The following SLITRK3 variants were observed in gnomAD, a reference collection of about 807,000 sequenced individuals.
The protein encoded by SLITRK3 is SLIT and NTRK like family member 3, also known as SLIT and NTRK-like protein 3.
A neutral mutation model predicts 63.6 loss-of-function variants in SLITRK3; 16 were observed. That is an observed-to-expected ratio of 0.25 (90% CI 0.17 to 0.38). The LOEUF is 0.38. Ranked by LOEUF, SLITRK3 falls within the 10% of genes least tolerant of loss-of-function variation. The pLI is 1.00. For missense variants in SLITRK3, 1,117 were observed against 1,181.4 expected (o/e 0.95, Z 0.80); for synonymous variants, 547 against 451.6 (o/e 1.21, Z -2.68).
chr3:165,192,393 A>T (rs972191862), intron 1 of SLITRK3, among the ~76,000 whole-genome samples: 6 of 152,174 alleles, frequency 3.9e-5, no homozygotes, highest in Admixed American at 2.6e-4. Flanking sequence ...CTTATGAAAT[A>T]TTAAAATCTA....
chr3:165,196,713 G>C (rs1718431133), upstream of SLITRK3: 1 of 152,220 alleles, frequency 6.6e-6, no homozygotes, highest in Non-Finnish European at 1.5e-5. Flanking sequence ...AGGGAGCGGC[G>C]CTCGGGAGCC....
chr3:165,187,795 A>G lies in SLITRK3; in HGVS notation c.*102T>C, dbSNP rs377371246. The G allele has an allele frequency of 2.6e-5, 25 of 945,980 alleles. No individual in the cohort carries two copies. Among genetic ancestry groups the G allele is most frequent in the East Asian group, 1.7e-4 (7 of 40,126 alleles). The allele number at this position is 945,980 out of a possible 1,614,324, so 58.6% of individuals were successfully genotyped here. ...GTTCAGGGTAGGAAAGATCGTGAGG[A>G]TGGAGTTACTGGGACAAGTGTAAAG... is the stretch of plus-strand genomic sequence containing the variant. On this transcript the variant is annotated 3_prime_UTR_variant, in exon 2 of 2. Transcript: ENST00000475390.
intron 1 of SLITRK3, among the ~76,000 whole-genome samples, chr3:165,192,860 C>G (rs936496826): frequency 9.9e-5 from 15 of 152,104 alleles, no homozygotes; most frequent in Non-Finnish European, 2.1e-4. Context: ...GCCGCGGTGG[C>G]TGCTCTCTTT....
rs763333187 is a variant in SLITRK3, at chr3:165,189,368, T to C, written c.1463A>G (p.Glu488Gly). ...CTGGATTTCCCGGATGACATTGAAC[T>C]CAAAGTACAAGTAGTGCAAACTCTG... ...GLQSLHYLYF[E>G]FNVIREIQPA... is the part of the protein sequence containing the mutation. Residue 488 changes from glutamate (E) to glycine (G), a missense_variant, in exon 2 of 2, where the codon GAG (glutamate) becomes GGG (glycine). By Grantham distance (98) the Glu-to-Gly change is moderately conservative. This residue lies in a region of SLITRK3 where 158 missense variants were observed against 197.2 expected (regional missense o/e 0.80). Coordinates refer to ENST00000475390, the MANE Select transcript of SLITRK3 (RefSeq NM_001318810.2). This position sits in a 1 kb window ranked among gnomAD's most constrained non-coding sequence, Gnocchi z 4.0. The C allele has an allele frequency of 6.2e-7, 1 of 1,614,134 alleles. No individual in the cohort carries two copies. The highest frequency in any genetic ancestry group is 8.5e-7 in the Non-Finnish European group (1 of 1,180,024).
Position 165,187,346 on chromosome 3 carries a change from G to T in SLITRK3, c.*551C>A, listed in dbSNP as rs1269696146. 6.6e-6 allele frequency: 1 copy of T among 152,226 alleles called. No homozygotes were observed. The highest frequency in any genetic ancestry group is 1.5e-5 in the Non-Finnish European group (1 of 68,202). 9.4% of individuals were successfully genotyped at this position (152,226 alleles called of 1,614,324 possible). A position where few individuals can be genotyped will look rare whatever the true frequency, so the allele number is the denominator to read the frequency against. ...GACAAGATAGTGAGTGAGAACATTC[G>T]AGCAAGACCCGCCCCCTCCCTCCCC... is the stretch of plus-strand genomic sequence containing the variant. On this transcript the variant is annotated 3_prime_UTR_variant, in exon 2 of 2. Transcript: ENST00000475390.
chr3:165,188,872 A>T lies in SLITRK3; in HGVS notation c.1959T>A (p.Leu653=). The part of the protein sequence containing the change: ...EFSPPGGPVP[L]SVLILSLLVL... ...CCAGCAGGCTGAGAATTAACACAGA[A>T]AGTGGCACAGGGCCCCCAGGAGGAG... The change falls in exon 2 of 2, where the codon CTT becomes CTA. Residue 653 remains leucine (L), a synonymous_variant. Transcript: ENST00000475390. 6.2e-7 allele frequency: 1 copy of T among 1,614,136 alleles called. No homozygotes were observed. Among genetic ancestry groups the T allele is most frequent in the Non-Finnish European group, 8.5e-7 (1 of 1,180,020 alleles).
rs576921144 is a variant in SLITRK3 at position 165,195,944 on chromosome 3, G to C, written c.-386C>G. On this transcript the variant is annotated 5_prime_UTR_variant, in exon 1 of 2. Transcript: ENST00000475390. ...GGTTCCTTTGATTTAAAATCTCGGTGCTCTGGATCAGTGGAGAGCTTCGTT... is the reference window on the plus strand; with the variant it reads ...GGTTCCTTTGATTTAAAATCTCGGTCCTCTGGATCAGTGGAGAGCTTCGTT... 1 of 152,828 alleles carries C rather than the reference G, an allele frequency of 6.5e-6. No individual in the cohort carries two copies. The highest frequency in any genetic ancestry group is 1.9e-4 in the East Asian group (1 of 5,146). The allele number at this position is 152,828 out of a possible 1,614,324, so 9.5% of individuals were successfully genotyped here.
chr3:165,189,978 A>G lies in SLITRK3; in HGVS notation c.853T>C (p.Ser285Pro), dbSNP rs778532191. 1 of 1,614,158 alleles carries G rather than the reference A, an allele frequency of 6.2e-7. No individual in the cohort carries two copies. The highest frequency in any genetic ancestry group is 8.5e-7 in the Non-Finnish European group (1 of 1,180,030). The change falls in exon 2 of 2, where the codon TCT becomes CCT. Residue 285 changes from serine to proline, a missense_variant. Ser to Pro is a moderately conservative substitution (Grantham distance 74). Transcript: ENST00000475390. The surrounding 1 kb of genome is among the most constrained non-coding windows in gnomAD (Gnocchi z 4.0). ...IRKTELCPLL[S>P]DSEVEASLGI... ...AAACTAGCCTCTACCTCAGAGTCAG[A>G]CAACAAGGGACAGAGTTCTGTCTTC...
In SLITRK3 at chr3:165,189,747, G is replaced by A. The variant is rs1718109786; in HGVS notation, c.1084C>T (p.Pro362Ser). The change falls in exon 2 of 2, where the codon CCT becomes TCT. Residue 362 changes from proline (P) to serine (S), a missense_variant. Physicochemically the swap from Pro to Ser is moderately conservative, Grantham distance 74 (BLOSUM62 -1). Transcript: ENST00000475390. This position sits in a 1 kb window ranked among gnomAD's most constrained non-coding sequence, Gnocchi z 4.0. ...YPGPNQPPIAPYQTRPPIPII... is the reference protein window; with the variant it reads ...YPGPNQPPIASYQTRPPIPII... ...GGGATTGGTGGTCTGGTCTGATAAG[G>A]AGCAATGGGAGGCTGGTTTGGACCA... 6.2e-7 allele frequency: 1 copy of A among 1,614,070 alleles called. No homozygotes were observed. Among genetic ancestry groups the A allele is most frequent in the Non-Finnish European group, 8.5e-7 (1 of 1,180,038 alleles).
intron 1 of SLITRK3, among the ~76,000 whole-genome samples, chr3:165,194,283 A>G (rs1359056902): frequency 2.0e-5 from 3 of 152,234 alleles, no homozygotes; most frequent in Non-Finnish European, 4.4e-5. Flanking sequence ...ATTTTAAAGC[A>G]AAGCACAGCT....
rs1313878506 is a variant in SLITRK3, at chr3:165,188,304, C to G, written c.2527G>C (p.Val843Leu). 1 of 1,614,032 alleles carries G rather than the reference C, an allele frequency of 6.2e-7. No individual in the cohort carries two copies. The highest frequency in any genetic ancestry group is 8.5e-7 in the Non-Finnish European group (1 of 1,179,994). Residue 843 changes from valine (V) to leucine (L), a missense_variant, in exon 2 of 2, where the codon GTT (valine) becomes CTT (leucine). This residue lies in a region of SLITRK3 where 499 missense variants were observed against 463.6 expected (regional missense o/e 1.08). Transcript: ENST00000475390. The part of the protein sequence containing the change: ...VNHHHPHHPA[V>L]GGVSGVVGGT... ...CCAACTACTCCTGAAACCCCACCAA[C>G]TGCTGGGTGGTGAGGGTGATGGTGA...
chr3:165,196,938 C>CTCTCCTCTCTCTG (rs1718459821), upstream of SLITRK3: 1 of 129,692 alleles, frequency 7.7e-6, no homozygotes, highest in African/African-American at 2.8e-5. Flanking sequence ...CTCTCTCTGT[C>CTCTCCTCTCTCTG]TCTCTCTCTC....
At position 165,190,269 on chromosome 3, in the gene SLITRK3, G is replaced by A. The variant is rs776608537; in HGVS notation, c.562C>T (p.Leu188Phe). 3 of 1,614,036 alleles carry A rather than the reference G, an allele frequency of 1.9e-6. No homozygotes were observed. The highest frequency in any genetic ancestry group is 1.1e-5 in the South Asian group (1 of 91,074). Residue 188 changes from leucine (L) to phenylalanine (F), a missense_variant, in exon 2 of 2, where the codon CTT becomes TTT. This residue lies in a region of SLITRK3 where 452 missense variants were observed against 495.3 expected (regional missense o/e 0.91). Coordinates refer to ENST00000475390, the MANE Select transcript of SLITRK3 (RefSeq NM_001318810.2). The part of the protein sequence containing the change: ...LILNDNLIPM[L>F]PTNLFKAVSL... ...ACAGCCTTAAATAAATTGGTTGGAA[G>A]CATGGGGATGAGATTATCATTTAAA... is the stretch of plus-strand genomic sequence containing the variant.
rs750771297 is a variant in SLITRK3, at chr3:165,188,311, G to T, written c.2520C>A (p.His840Gln). ...CTCCTGAAACCCCACCAACTGCTGG[G>T]TGGTGAGGGTGATGGTGATTCACCG... ...IVTVNHHHPH[H>Q]PAVGGVSGVV... The change falls in exon 2 of 2, where the codon CAC becomes CAA. Residue 840 changes from histidine to glutamine, a missense_variant. His to Gln is a conservative substitution (Grantham distance 24, BLOSUM62 0). Coordinates refer to ENST00000475390, the MANE Select transcript of SLITRK3 (RefSeq NM_001318810.2). 3 of 1,614,024 alleles carry T rather than the reference G, an allele frequency of 1.9e-6. No homozygotes were observed. Among genetic ancestry groups the T allele is most frequent in the South Asian group, 1.1e-5 (1 of 91,076 alleles).
Position 165,190,252 on chromosome 3 carries a change from A to G in SLITRK3, c.579T>C (p.Phe193=). The change falls in exon 2 of 2, where the codon TTT becomes TTC. Residue 193 remains phenylalanine, a synonymous_variant. Coordinates refer to ENST00000475390, the MANE Select transcript of SLITRK3 (RefSeq NM_001318810.2). The stretch of plus-strand genomic sequence containing the variant: ...CCAAATGGGTTAAAGAGACAGCCTT[A>G]AATAAATTGGTTGGAAGCATGGGGA... The part of the protein sequence containing the change: ...NLIPMLPTNL[F]KAVSLTHLDL... 6.2e-7 allele frequency: 1 copy of G among 1,614,186 alleles called. No homozygotes were observed. The highest frequency in any genetic ancestry group is 8.5e-7 in the Non-Finnish European group (1 of 1,180,030).
Position 165,190,583 on chromosome 3 carries a change from TAC to T in SLITRK3, c.246_247del (p.Tyr83SerfsTer19). 1 of 1,613,856 alleles carries T rather than the reference TAC, an allele frequency of 6.2e-7. No individual in the cohort carries two copies. The highest frequency in any genetic ancestry group is 8.5e-7 in the Non-Finnish European group (1 of 1,179,900). Reference sequence around the variant, plus strand: ...TTTCCTCATAGAATTCCTCTGCAGATACAGTTTAAAAGGTCTTGACCAGAACT... The same window carrying T: ...TTTCCTCATAGAATTCCTCTGCAGATAGTTTAAAAGGTCTTGACCAGAACT... On this transcript the variant is annotated frameshift_variant, in exon 2 of 2. Transcript: ENST00000475390. LOFTEE classifies it high-confidence loss of function.
chr3:165,194,992 A>G (rs934223207), intron 1 of SLITRK3, among the ~76,000 whole-genome samples: 1 of 152,130 alleles, frequency 6.6e-6, no homozygotes, highest in Non-Finnish European at 1.5e-5. Context: ...AGGGAGGACA[A>G]GAAGCCCTTT....
At position 165,187,979 on chromosome 3, in the gene SLITRK3, CT is replaced by C. The variant is rs756547434; in HGVS notation, c.2851del (p.Ser951ValfsTer6). On this transcript the variant is annotated frameshift_variant, in exon 2 of 2. Coordinates refer to ENST00000475390, the MANE Select transcript of SLITRK3 (RefSeq NM_001318810.2). LOFTEE classifies it high-confidence loss of function. ...TTTGGCCCTTAACTCGAGGTAATCA[CT>C]TTTTTGGGTTTGGTGGTCTGTGAAG... ...KGFTDHQTQK[S>X]DYLELRAKLQ... The C allele has an allele frequency of 6.2e-7, 1 of 1,613,930 alleles. No individual in the cohort carries two copies. Among genetic ancestry groups the C allele is most frequent in the Non-Finnish European group, 8.5e-7 (1 of 1,180,000 alleles).
chr3:165,190,615 A>C lies in SLITRK3; in HGVS notation c.216T>G (p.Ile72Met). Residue 72 changes from isoleucine (I) to methionine (M), a missense_variant, in exon 2 of 2, where the codon ATT becomes ATG. Ile to Met is a conservative substitution (Grantham distance 10). This residue lies in a region of SLITRK3 where 452 missense variants were observed against 495.3 expected (regional missense o/e 0.91). Transcript: ENST00000475390. ...TAAAAGGTCTTGACCAGAACTCGGT[A>C]ATCTGACTAATATTTGTAAATCCTT... ...DSKGFTNISQ[I>M]TEFWSRPFKL... 1 of 1,613,986 alleles carries C rather than the reference A, an allele frequency of 6.2e-7. No individual in the cohort carries two copies.
Sources: gnomAD v4.1 joint callset for allele counts (sites outside exome capture counted in the v4.1 genomes callset) on GRCh38, gnomAD v4.1.1 for gene constraint, gnomAD v4.1.1 regional missense constraint, Gnocchi (gnomAD v3.1) non-coding constraint, MANE v1.5 for transcripts, NCBI Gene and HGNC (gene_info 2026-07-23, HGNC 2026-07-21) for gene names.